The following MPPED2 variants were observed in gnomAD, a reference collection of about 807,000 sequenced individuals.
MPPED2 encodes metallophosphoesterase MPPED2.
A neutral mutation model predicts 33.0 loss-of-function variants in MPPED2; 5 were observed. The ratio of observed to expected loss-of-function variants is 0.15; its 90% confidence interval spans 0.08 to 0.32. The LOEUF (loss-of-function observed/expected upper bound fraction) is 0.32, where lower values mean the gene tolerates loss of function less well. Among genes scored for constraint, MPPED2 ranks in the 10% least tolerant of loss-of-function variants. MPPED2 has a pLI of 1.00. For missense variants in MPPED2, 275 were observed against 372.1 expected, an observed-to-expected ratio of 0.74 and a Z score of 2.15; for synonymous variants, 136 against 141.9, an observed-to-expected ratio of 0.96 and a Z score of 0.29.
Position 30,417,639 on chromosome 11 carries a change from G to C in MPPED2, c.537-6C>G. ...ATCCATTAAACCACGGGGTCCTTTG[G>C]GGGAGATAATGCACATGGTATCAGG... On this transcript the variant is annotated splice_region_variant and splice_polypyrimidine_tract_variant and intron_variant, in intron 4 of 6. Coordinates refer to ENST00000358117, the MANE Select transcript of MPPED2 (RefSeq NM_001584.3). 6.4e-7 allele frequency: 1 copy of C among 1,566,256 alleles called. No individual in the cohort carries two copies. The highest frequency in any genetic ancestry group is 1.7e-4 in the Middle Eastern group (1 of 5,816).
chr11:30,567,678 T>A (rs1051835538), intron 2 of MPPED2, among the ~76,000 whole-genome samples: 12 of 152,188 alleles, frequency 7.9e-5, no homozygotes, highest in Non-Finnish European at 1.5e-4. Context: ...AAAGAAGACA[T>A]ACAAGGATAG....
At chr11:30,535,172 A>G (rs1227355969) in intron 3 of MPPED2, among the ~76,000 whole-genome samples, 1 of 152,202 alleles carries the variant, frequency 6.6e-6, no homozygotes, top group Non-Finnish European at 1.5e-5. Context: ...AGTTTGATGG[A>G]AAACAAAGTT....
chr11:30,396,742 A>G (rs1947844286), intron 6 of MPPED2, among the ~76,000 whole-genome samples: 1 of 152,194 alleles, frequency 6.6e-6, no homozygotes. Context: ...ATAGTAATGC[A>G]TACACATGCA....
At position 30,535,388 on chromosome 11, in the gene MPPED2, C is replaced by T. The variant is rs566146194; in HGVS notation, c.310+606G>A. 1.1e-4 allele frequency among the ~76,000 whole-genome samples: 16 copies of T among 152,204 alleles called. 1 individual carries two copies. Among genetic ancestry groups the T allele is most frequent in the African/African-American group, 3.6e-4 (15 of 41,522 alleles). Reference sequence around the variant, plus strand: ...TGCAGTAACTGACCTGTGGGTGCCTCCACAATATCCAGAAAATTGCTATTA... The same window carrying T: ...TGCAGTAACTGACCTGTGGGTGCCTTCACAATATCCAGAAAATTGCTATTA... On this transcript the variant is annotated intron_variant, in intron 3 of 6. Coordinates refer to ENST00000358117, the MANE Select transcript of MPPED2 (RefSeq NM_001584.3).
At chr11:30,429,606 T>G (rs928789274) in intron 4 of MPPED2, among the ~76,000 whole-genome samples, 1 of 152,160 alleles carries the variant, frequency 6.6e-6, no homozygotes, top group Non-Finnish European at 1.5e-5. Flanking sequence ...TCAACAAACA[T>G]TATTGAGCAC....
chr11:30,412,075 T>A (rs1948129851), intron 6 of MPPED2, among the ~76,000 whole-genome samples: 1 of 151,880 alleles, frequency 6.6e-6, no homozygotes, highest in African/African-American at 2.4e-5. Flanking sequence ...ATTTACTTAT[T>A]TATGAAATAA....
chr11:30,528,030 A>G (rs1954299469), intron 3 of MPPED2, among the ~76,000 whole-genome samples: 1 of 152,206 alleles, frequency 6.6e-6, no homozygotes, highest in Non-Finnish European at 1.5e-5. Context: ...AAATGAATAC[A>G]TTGAAGATCA....
chr11:30,524,743 C>G (rs1954074726), intron 3 of MPPED2, among the ~76,000 whole-genome samples: 2 of 152,004 alleles, frequency 1.3e-5, no homozygotes, highest in African/African-American at 4.8e-5. Flanking sequence ...AGTCATAGTT[C>G]CAGGAGGTTC....
intron 4 of MPPED2, among the ~76,000 whole-genome samples, chr11:30,493,341 C>A (rs1179887629): frequency 3.3e-5 from 5 of 149,666 alleles, no homozygotes; most frequent in South Asian, 2.1e-4. Context: ...ACAGCACTCC[C>A]GCCTGGGCGA....
At chr11:30,448,342 C>T (rs1949905031) in intron 4 of MPPED2, among the ~76,000 whole-genome samples, 1 of 152,190 alleles carries the variant, frequency 6.6e-6, no homozygotes, top group African/African-American at 2.4e-5. Context: ...GAACTGGGCG[C>T]TCAGACTTGA....
chr11:30,452,384 T>A (rs1401275832), intron 4 of MPPED2, among the ~76,000 whole-genome samples: 1 of 152,234 alleles, frequency 6.6e-6, no homozygotes, highest in Non-Finnish European at 1.5e-5. Context: ...GCCCATCCTG[T>A]GGCACCCATA....
chr11:30,498,673 T>C (rs1952414409), intron 3 of MPPED2, among the ~76,000 whole-genome samples: 1 of 152,202 alleles, frequency 6.6e-6, no homozygotes, highest in Non-Finnish European at 1.5e-5. Context: ...TGACAAAATG[T>C]CAAATAGTTT....
chr11:30,464,268 A>AACACAC (rs10660237), intron 4 of MPPED2, among the ~76,000 whole-genome samples: 2,293 of 145,992 alleles, frequency 0.016, 47 homozygotes, highest in East Asian at 0.057. Flanking sequence ...AAAGGATACT[A>AACACAC]ACACACACAC....
At chr11:30,570,306 C>T (rs1262673285) in intron 2 of MPPED2, among the ~76,000 whole-genome samples, 1 of 151,958 alleles carries the variant, frequency 6.6e-6, no homozygotes, top group African/African-American at 2.4e-5. Context: ...ATAAGGGTTC[C>T]ATCCTCATGA....
At chr11:30,461,201 A>G (rs1160283895) in intron 4 of MPPED2, among the ~76,000 whole-genome samples, 1 of 152,144 alleles carries the variant, frequency 6.6e-6, no homozygotes, top group African/African-American at 2.4e-5. Flanking sequence ...GGTGGTTGCT[A>G]GGGGCTCGGG....
chr11:30,453,190 G>A (rs1950137292), intron 4 of MPPED2, among the ~76,000 whole-genome samples: 3 of 152,152 alleles, frequency 2.0e-5, no homozygotes. Flanking sequence ...CTAAGACCTT[G>A]TGAGTTCGGG....
Position 30,564,124 on chromosome 11 carries a change from T to C in MPPED2, c.128+16122A>G, listed in dbSNP as rs546769201. On this transcript the variant is annotated intron_variant, in intron 2 of 6. Transcript: ENST00000358117. ...TTTCTCAAGATCTCATGTTTATCTC[T>C]GTGAGTCACCTGGGCTGGCAAGATA... 1.7e-4 allele frequency among the ~76,000 whole-genome samples: 26 copies of C among 152,328 alleles called. No individual in the cohort carries two copies. In the South Asian group the frequency reaches 4.8e-3, roughly 28 times the overall value.
At chr11:30,444,600 T>C (rs1023711613) in intron 4 of MPPED2, among the ~76,000 whole-genome samples, 1 of 152,156 alleles carries the variant, frequency 6.6e-6, no homozygotes, top group African/African-American at 2.4e-5. Context: ...TTTCAAATAA[T>C]GTTACAAGTT....
At chr11:30,475,900 A>T (rs1951171053) in intron 4 of MPPED2, among the ~76,000 whole-genome samples, 1 of 151,986 alleles carries the variant, frequency 6.6e-6, no homozygotes, top group Admixed American at 6.6e-5. Context: ...TATATTTGTC[A>T]TTCTTGGTAT....
Sources: gnomAD v4.1 joint callset for allele counts (sites outside exome capture counted in the v4.1 genomes callset) on GRCh38, gnomAD v4.1.1 for gene constraint, MANE v1.5 for transcripts, NCBI Gene and HGNC (gene_info 2026-07-23, HGNC 2026-07-21) for gene names.